Variants in P2RX6 observed in about 807,000 individuals in gnomAD.
P2RX6 encodes the protein P2X purinoceptor 6.
A neutral mutation model predicts 54.2 loss-of-function variants in P2RX6; 62 were observed. That is an observed-to-expected ratio of 1.14 (90% CI 0.93 to 1.41). P2RX6 has a LOEUF of 1.41. Ranked by LOEUF, P2RX6 falls within the 40% of genes most tolerant of loss-of-function variation. The probability of loss-of-function intolerance (pLI) is 0.00; values close to 1 mark genes in which losing one functional copy is unlikely to be tolerated. For missense variants in P2RX6, 541 were observed against 566.3 expected (o/e 0.96, Z 0.45); for synonymous variants, 211 against 231.9 (o/e 0.91, Z 0.82).
At chr22:21,023,083 C>A (rs2148062657) in intron 5 of P2RX6, 35 bp from the exon 6 acceptor site, 3 of 1,612,522 alleles carry the variant, frequency 1.9e-6, no homozygotes, top group South Asian at 2.2e-5. Flanking sequence ...GGGCCCCAGG[C>A]CTGGCAGAGG....
upstream of P2RX6, chr22:21,012,524 T>C (rs1646311075): frequency 1.7e-6 from 1 of 600,934 alleles, no homozygotes; most frequent in African/African-American, 1.9e-5. Flanking sequence ...ACCCAGCACC[T>C]ACCGCAGATG....
At chr22:21,014,959 C>G (rs1926080575), upstream of P2RX6, 1 of 486,122 alleles carries the variant, frequency 2.1e-6, no homozygotes, top group Non-Finnish European at 3.6e-6. Flanking sequence ...AGGGACAGAG[C>G]TGCTGCTGTT....
intron 1 of P2RX6, among the ~76,000 whole-genome samples, chr22:21,015,678 G>C (rs570328659): frequency 6.6e-6 from 1 of 152,216 alleles, no homozygotes; most frequent in East Asian, 1.9e-4. Context: ...CTGTAAGGGG[G>C]AAGCTGGATC....
At chr22:21,015,828 T>A in intron 1 of P2RX6, 114 bp from the exon 2 acceptor site, 1 of 1,094,950 alleles carries the variant, frequency 9.1e-7, no homozygotes, top group South Asian at 1.7e-5. Context: ...GGGCCTTCGA[T>A]GTTGGGCCGG....
At chr22:21,010,986 C>A (rs1410277286), upstream of P2RX6, among the ~76,000 whole-genome samples, 1 of 152,030 alleles carries the variant, frequency 6.6e-6, no homozygotes, top group Non-Finnish European at 1.5e-5. Flanking sequence ...TTAAATGTCA[C>A]CTCACAGAGG....
intron 3 of P2RX6, 78 bp from the exon 4 acceptor site, chr22:21,022,598 C>A (rs1927600052): frequency 2.6e-6 from 3 of 1,155,916 alleles, no homozygotes; most frequent in Non-Finnish European, 3.6e-6. Flanking sequence ...CCACCTTGAA[C>A]CTCCCTGCCT....
chr22:21,022,140 G>C (rs1359638026), intron 3 of P2RX6, among the ~76,000 whole-genome samples: 1 of 152,194 alleles, frequency 6.6e-6, no homozygotes, highest in Non-Finnish European at 1.5e-5. Flanking sequence ...GGCTGAGACA[G>C]AAGGATTGCT....
At chr22:21,019,486 G>C (rs1926987190) in intron 3 of P2RX6, among the ~76,000 whole-genome samples, 2 of 152,130 alleles carry the variant, frequency 1.3e-5, no homozygotes, top group South Asian at 4.1e-4. Flanking sequence ...GCTAATTTTT[G>C]TATTTTAAGT....
intron 3 of P2RX6, among the ~76,000 whole-genome samples, 174 bp from the exon 4 acceptor site, chr22:21,022,502 C>T (rs1224300512): frequency 3.3e-5 from 5 of 152,220 alleles, no homozygotes; most frequent in Admixed American, 6.5e-5. Flanking sequence ...TTTGCACCCT[C>T]CAGCTTTCCT....
upstream of P2RX6, chr22:21,013,698 A>G (rs1925908364): frequency 6.6e-6 from 1 of 152,264 alleles, no homozygotes; most frequent in South Asian, 2.1e-4. Context: ...CTGATTGCAG[A>G]CCACAAATGT....
intron 8 of P2RX6, 101 bp downstream of exon 8, chr22:21,023,719 C>T: frequency 4.9e-6 from 4 of 816,386 alleles, no homozygotes; most frequent in South Asian, 3.2e-5. Context: ...CTAGATATTC[C>T]ACTACGTGTG....
At position 21,026,446 on chromosome 22, in the gene P2RX6, C is replaced by T; in HGVS notation, c.1155C>T (p.Asn385=). 6.2e-7 allele frequency: 1 copy of T among 1,603,484 alleles called. No homozygotes were observed. The highest frequency in any genetic ancestry group is 1.3e-5 in the African/African-American group (1 of 74,780). Residue 385 remains asparagine (N), a synonymous_variant, in exon 12 of 12, where the codon AAC becomes AAT. Coordinates refer to ENST00000413302, the MANE Select transcript of P2RX6 (RefSeq NM_005446.5). The surrounding 1 kb of genome is among the most constrained non-coding windows in gnomAD (Gnocchi z 4.0). ...CCAAGGCCCCGAAAGCAACCGCCAA[C>T]TCTGTGTGGAGGGAGCTGGCCCTTG... ...EEAKAPKATA[N]SVWRELALAS...
In P2RX6 at chr22:21,025,863, T is replaced by C; in HGVS notation, c.949T>C (p.Tyr317His). 2 of 1,574,140 alleles carry C rather than the reference T, an allele frequency of 1.3e-6. No individual in the cohort carries two copies. Among genetic ancestry groups the C allele is most frequent in the Non-Finnish European group, 1.7e-6 (2 of 1,160,284 alleles). The change falls in exon 9 of 12, where the codon TAT (tyrosine) becomes CAT (histidine). Residue 317 changes from tyrosine (Y) to histidine (H), a missense_variant. Transcript: ENST00000413302. ...GVEARTLLKL[Y>H]GIRFDILVTG... ...GGAGGCCCGCACCCTGCTCAAGCTC[T>C]ATGGAATCCGCTTCGACATCCTCGT...
chr22:21,024,878 GT>G (rs562371289), intron 8 of P2RX6, among the ~76,000 whole-genome samples: 86 of 110,752 alleles, frequency 7.8e-4, no homozygotes, highest in African/African-American at 1.2e-3. Flanking sequence ...TTTTTTTTGT[GT>G]TTTTTTTTTT....
At position 21,018,027 on chromosome 22, in the gene P2RX6, G is replaced by A; in HGVS notation, c.354G>A (p.Val118=). ...NVFFLVTNFL[V]TPAQVQGRCP... ...TCTTCTTGGTGACCAACTTCCTTGT[G>A]ACGCCAGCCCAAGTTCAGGGCAGAT... The change falls in exon 3 of 12, where the codon GTG becomes GTA. Residue 118 remains valine, a synonymous_variant. Transcript: ENST00000413302. 6.2e-7 allele frequency: 1 copy of A among 1,613,270 alleles called. No individual in the cohort carries two copies. Among genetic ancestry groups the A allele is most frequent in the South Asian group, 1.1e-5 (1 of 90,930 alleles).
Position 21,022,723 on chromosome 22 carries a change from C to G in P2RX6, c.435C>G (p.Pro145=), listed in dbSNP as rs150889989. 6 of 1,579,114 alleles carry G rather than the reference C, an allele frequency of 3.8e-6. No homozygotes were observed. Among genetic ancestry groups the G allele is most frequent in the South Asian group, 3.5e-5 (3 of 84,908 alleles). Residue 145 remains proline (P), a synonymous_variant, in exon 4 of 12, where the codon CCC becomes CCG. Coordinates refer to ENST00000413302, the MANE Select transcript of P2RX6 (RefSeq NM_005446.5). The part of the protein sequence containing the change: ...LANCWVDEDC[P]EGEGGTHSHG... The stretch of plus-strand genomic sequence containing the variant: ...ACTGCTGGGTCGACGAGGACTGCCC[C>G]GAAGGGGAGGGAGGCACACACAGCC...
intron 3 of P2RX6, among the ~76,000 whole-genome samples, chr22:21,019,329 T>G (rs1044354794): frequency 5.9e-5 from 9 of 151,988 alleles, no homozygotes; most frequent in African/African-American, 9.7e-5. Context: ...TTGTTTGTTT[T>G]TTTGAGATGG....
chr22:21,014,208 A>T (rs1925963217), upstream of P2RX6: 1 of 153,958 alleles, frequency 6.5e-6, no homozygotes, highest in Non-Finnish European at 1.5e-5. Context: ...CTCTGGCAGG[A>T]ACCGCTCATC....
chr22:21,011,502 C>T, upstream of P2RX6: 1 of 713,386 alleles, frequency 1.4e-6, no homozygotes. Flanking sequence ...CTGACAGCTG[C>T]ATCTTCCGCA....
Sources: gnomAD v4.1 joint callset for allele counts (sites outside exome capture counted in the v4.1 genomes callset) on GRCh38, gnomAD v4.1.1 for gene constraint, Gnocchi (gnomAD v3.1) non-coding constraint, MANE v1.5 for transcripts, NCBI Gene and HGNC (gene_info 2026-07-23, HGNC 2026-07-21) for gene names.